The following CYP27C1 variants were observed in gnomAD, a reference collection of about 807,000 sequenced individuals.
The protein encoded by CYP27C1 is cytochrome P450 family 27 subfamily C member 1.
A neutral mutation model predicts 40.6 loss-of-function variants in CYP27C1; 29 were observed. The observed-to-expected ratio is 0.71, with a 90% CI of 0.53 to 0.97. The LOEUF is 0.97. Among genes scored for constraint, CYP27C1 ranks in the 50% least tolerant of loss-of-function variants. The pLI is 0.00. For synonymous variants in CYP27C1, 198 were observed against 186.8 expected, an observed-to-expected ratio of 1.06 and a Z score of -0.49; for missense variants, 390 against 485.8, an observed-to-expected ratio of 0.80 and a Z score of 1.85.
chr2:127,213,286 T>C (rs925188477), intron 1 of CYP27C1, among the ~76,000 whole-genome samples: 9 of 148,830 alleles, frequency 6.0e-5, no homozygotes, highest in African/African-American at 1.7e-4. Context: ...CAAACCACCA[T>C]TGACATTCTT....
At chr2:127,199,353 G>A in intron 5 of CYP27C1, 23 bp downstream of exon 5, 8 of 1,610,642 alleles carry the variant, frequency 5.0e-6, no homozygotes, top group Non-Finnish European at 5.1e-6. Flanking sequence ...GTTGCTTGCT[G>A]AGAACAGGAC....
intron 1 of CYP27C1, among the ~76,000 whole-genome samples, chr2:127,207,543 G>A (rs1683252463): frequency 6.6e-6 from 1 of 151,974 alleles, no homozygotes; most frequent in African/African-American, 2.4e-5. Context: ...GGCAGTGTGA[G>A]CCTGTAGTCC....
At chr2:127,217,166 A>C (rs1035177507) in intron 1 of CYP27C1, among the ~76,000 whole-genome samples, 15 of 152,208 alleles carry the variant, frequency 9.9e-5, no homozygotes, top group African/African-American at 3.6e-4. Flanking sequence ...GATAGTTTTC[A>C]TCACTTTCTG....
intron 8 of CYP27C1, among the ~76,000 whole-genome samples, chr2:127,188,480 C>T (rs1225062405): frequency 1.3e-5 from 2 of 151,992 alleles, no homozygotes; most frequent in East Asian, 3.9e-4. Flanking sequence ...TCCAACGATC[C>T]TCCCACCTCC....
At chr2:127,206,232 A>C (rs1683227574) in intron 1 of CYP27C1, among the ~76,000 whole-genome samples, 142 bp from the exon 2 acceptor site, 1 of 152,214 alleles carries the variant, frequency 6.6e-6, no homozygotes, top group African/African-American at 2.4e-5. Context: ...CAGAGCAGTA[A>C]TTTACATATT....
Position 127,205,598 on chromosome 2 carries a change from C to T in CYP27C1, c.473+302G>A, listed in dbSNP as rs1558931989. 1.5e-5 allele frequency: 12 copies of T among 817,326 alleles called. No homozygotes were observed. In the South Asian group the frequency reaches 4.5e-4, roughly 30 times the overall value. 50.6% of individuals were successfully genotyped at this position (817,326 alleles called of 1,614,324 possible). ...AGGGCGCTGTGAGTTTTGTCTGCCT[C>T]GGTTATCACTGAATGGACTCCCAAA... On this transcript the variant is annotated intron_variant, in intron 2 of 8. Coordinates refer to ENST00000664447, the MANE Select transcript of CYP27C1 (RefSeq NM_001367502.1).
intron 3 of CYP27C1, among the ~76,000 whole-genome samples, chr2:127,202,703 T>A (rs1228874671): frequency 6.6e-6 from 1 of 152,150 alleles, no homozygotes; most frequent in Non-Finnish European, 1.5e-5. Context: ...AGATGCCCTC[T>A]CAACTTCACT....
intron 8 of CYP27C1, among the ~76,000 whole-genome samples, chr2:127,192,642 G>A (rs1038783430): frequency 3.7e-5 from 5 of 134,696 alleles, no homozygotes; most frequent in African/African-American, 1.1e-4. Context: ...TGCTGCTGAC[G>A]GTGCCTGAGA....
intron 1 of CYP27C1, among the ~76,000 whole-genome samples, chr2:127,214,791 T>A (rs554342280): frequency 6.3e-5 from 9 of 142,798 alleles, no homozygotes; most frequent in Non-Finnish European, 1.1e-4. Context: ...TGTTTTTTTT[T>A]TTTTTTTTGG....
At chr2:127,207,083 G>A (rs1683242650) in intron 1 of CYP27C1, among the ~76,000 whole-genome samples, 1 of 152,192 alleles carries the variant, frequency 6.6e-6, no homozygotes, top group Non-Finnish European at 1.5e-5. Flanking sequence ...TACTTGACCA[G>A]CTGCAGTGGC....
Position 127,201,895 on chromosome 2 carries a change from G to A in CYP27C1, c.674-564C>T, listed in dbSNP as rs1683043115. On this transcript the variant is annotated intron_variant, in intron 3 of 8. Transcript: ENST00000664447. The surrounding 1 kb of genome is among the most constrained non-coding windows in gnomAD (Gnocchi z 6.0). Reference sequence around the variant, plus strand: ...GGAGAGCTAAAGGCGCAGCAGAAGTGGCCTGGATGAATCCGTGTCGGGCAG... The same window carrying A: ...GGAGAGCTAAAGGCGCAGCAGAAGTAGCCTGGATGAATCCGTGTCGGGCAG... Among the ~76,000 whole-genome samples, 1 of 152,156 alleles carries A rather than the reference G, an allele frequency of 6.6e-6. No homozygotes were observed. Among genetic ancestry groups the A allele is most frequent in the South Asian group, 2.1e-4 (1 of 4,826 alleles).
chr2:127,215,322 A>G (rs1350211436), intron 1 of CYP27C1, among the ~76,000 whole-genome samples: 1 of 152,204 alleles, frequency 6.6e-6, no homozygotes, highest in African/African-American at 2.4e-5. Flanking sequence ...CTGGATAGCC[A>G]CAAGCAAAGA....
rs1683219326 is a variant in CYP27C1, at chr2:127,206,012, C to T, written c.361G>A (p.Asp121Asn). Among the ~76,000 whole-genome samples the T allele has an allele frequency of 6.6e-6, 1 of 152,238 alleles. No homozygotes were observed. The highest frequency in any genetic ancestry group is 1.5e-5 in the Non-Finnish European group (1 of 68,052). ...GCCCGGAGCACCTGAGCCACCATAT[C>T]GCGGTCTGCAATAGATACTACAAAC... ...PQFVVSIADR[D>N]MVAQVLRAEG... is the part of the protein sequence containing the mutation. Residue 121 changes from aspartate (D) to asparagine (N), a missense_variant, in exon 2 of 9, where the codon GAT becomes AAT. Coordinates refer to ENST00000664447, the MANE Select transcript of CYP27C1 (RefSeq NM_001367502.1).
rs1301620777 is a variant in CYP27C1, at chr2:127,218,588, C to T, written c.282+1401G>A. On this transcript the variant is annotated intron_variant, in intron 1 of 8. Coordinates refer to ENST00000664447, the MANE Select transcript of CYP27C1 (RefSeq NM_001367502.1). The surrounding 1 kb of genome is among the most constrained non-coding windows in gnomAD (Gnocchi z 6.0). ...GGCCGAATTAAAATTGCTCCTCGCA[C>T]GCCCGTTTTTCCATTAATGAGGGTT... Among the ~76,000 whole-genome samples, 1 of 152,078 alleles carries T rather than the reference C, an allele frequency of 6.6e-6. No homozygotes were observed. The highest frequency in any genetic ancestry group is 1.5e-5 in the Non-Finnish European group (1 of 68,014).
intron 3 of CYP27C1, among the ~76,000 whole-genome samples, chr2:127,202,909 C>T (rs1250260747): frequency 6.6e-6 from 1 of 152,134 alleles, no homozygotes; most frequent in South Asian, 2.1e-4. Context: ...TGGCTCATGC[C>T]TGTAATCCCA....
chr2:127,205,872 G>A (rs1269276625), intron 2 of CYP27C1, 28 bp downstream of exon 2: 2 of 536,312 alleles, frequency 3.7e-6, no homozygotes, highest in Non-Finnish European at 4.8e-6. Context: ...CCTCCAGCCC[G>A]TGGCTCAGCC....
In CYP27C1 at chr2:127,206,106, G is replaced by T. The variant is rs1380940847; in HGVS notation, c.283-16C>A. ...TGTGCTTCTGCTGCAATACCATGGAGAAATCAAAAAAGGAAAAAATACATA... is the reference window on the plus strand; with the variant it reads ...TGTGCTTCTGCTGCAATACCATGGATAAATCAAAAAAGGAAAAAATACATA... On this transcript the variant is annotated splice_polypyrimidine_tract_variant and intron_variant, in intron 1 of 8. Transcript: ENST00000664447. 1.3e-5 allele frequency among the ~76,000 whole-genome samples: 2 copies of T among 152,130 alleles called. No homozygotes were observed. Among genetic ancestry groups the T allele is most frequent in the South Asian group, 4.1e-4 (2 of 4,822 alleles).
rs1304308371 is a variant in CYP27C1, at chr2:127,184,825, T to TTGTG, written c.*2442_*2445dup. ...CTGACTGCATCCCCATGGAGTTTGTTTGTGTGTTTGTTTGTTATGAAGTCT... is the reference window on the plus strand; with the variant it reads ...CTGACTGCATCCCCATGGAGTTTGTTTGTGTGTGTGTTTGTTTGTTATGAAGTCT... On this transcript the variant is annotated 3_prime_UTR_variant, in exon 9 of 9. Transcript: ENST00000664447. 6.6e-6 allele frequency: 1 copy of TTGTG among 152,376 alleles called. No individual in the cohort carries two copies. Among genetic ancestry groups the TTGTG allele is most frequent in the Non-Finnish European group, 1.5e-5 (1 of 68,192 alleles). 9.4% of individuals were successfully genotyped at this position (152,376 alleles called of 1,614,324 possible). A position where few individuals can be genotyped will look rare whatever the true frequency, so the allele number is the denominator to read the frequency against.
rs1682635933 is a variant in CYP27C1, at chr2:127,186,829, G to C, written c.*442C>G. ...TTCTTAATGTTCCCTCTTCAAATTAGAAACAGTAAGTTGAAATTGCCTTCA... is the reference window on the plus strand; with the variant it reads ...TTCTTAATGTTCCCTCTTCAAATTACAAACAGTAAGTTGAAATTGCCTTCA... On this transcript the variant is annotated 3_prime_UTR_variant, in exon 9 of 9. Coordinates refer to ENST00000664447, the MANE Select transcript of CYP27C1 (RefSeq NM_001367502.1). This position sits in a 1 kb window ranked among gnomAD's most constrained non-coding sequence, Gnocchi z 4.5. 6.4e-6 allele frequency: 1 copy of C among 155,302 alleles called. No homozygotes were observed. Among genetic ancestry groups the C allele is most frequent in the African/African-American group, 2.4e-5 (1 of 41,470 alleles). 9.6% of individuals were successfully genotyped at this position (155,302 alleles called of 1,614,324 possible). A position where few individuals can be genotyped will look rare whatever the true frequency, so the allele number is the denominator to read the frequency against.
Sources: allele counts gnomAD v4.1 joint callset (sites outside exome capture counted in the v4.1 genomes callset), GRCh38; gene constraint gnomAD v4.1.1; non-coding constraint Gnocchi (gnomAD v3.1); transcripts MANE v1.5; gene names NCBI Gene and HGNC (gene_info 2026-07-23, HGNC 2026-07-21).